The following PAPPA2 variants were observed in gnomAD, a reference collection of about 807,000 sequenced individuals.
PAPPA2 encodes pappalysin-2.
PAPPA2 carries 86 observed loss-of-function variants against 176.4 expected under a neutral mutation model. That is an observed-to-expected ratio of 0.49 (90% CI 0.41 to 0.58). PAPPA2 has a LOEUF of 0.58. PAPPA2 is among the 20% of genes least tolerant of loss of function. The pLI is 0.00. For missense variants in PAPPA2, 2,073 were observed against 2,256.9 expected (o/e 0.92, Z 1.65); for synonymous variants, 809 against 852.2 (o/e 0.95, Z 0.88).
intron 1 of PAPPA2, among the ~76,000 whole-genome samples, chr1:176,487,434 G>A (rs1408104715): frequency 6.6e-6 from 1 of 152,104 alleles, no homozygotes; most frequent in Non-Finnish European, 1.5e-5. Flanking sequence ...TTTGATTTTG[G>A]CAACCTTGGC....
At chr1:176,644,804 AC>A (rs1381111994) in intron 3 of PAPPA2, among the ~76,000 whole-genome samples, 3 of 151,812 alleles carry the variant, frequency 2.0e-5, no homozygotes, top group African/African-American at 7.2e-5. Context: ...TGACATCTAT[AC>A]CACCTTTTGA....
chr1:176,836,813 AAAATAAAAAAT>A (rs1417267224), intron 21 of PAPPA2: 1 of 152,192 alleles, frequency 6.6e-6, no homozygotes, highest in African/African-American at 2.4e-5. Flanking sequence ...AAAAAAAATA[AAAATAAAAAAT>A]AAATGAAAAA....
chr1:176,534,047 A>T (rs1649945436), intron 1 of PAPPA2, among the ~76,000 whole-genome samples: 1 of 152,206 alleles, frequency 6.6e-6, no homozygotes, highest in Non-Finnish European at 1.5e-5. Context: ...GTATTTGATT[A>T]TACAAAATTT....
chr1:176,543,851 G>A (rs536566013), intron 1 of PAPPA2, among the ~76,000 whole-genome samples: 1 of 152,114 alleles, frequency 6.6e-6, no homozygotes, highest in Non-Finnish European at 1.5e-5. Flanking sequence ...CTTCCAAGAT[G>A]GAGTGGTTAA....
chr1:176,712,753 T>C (rs1232651042), intron 12 of PAPPA2, among the ~76,000 whole-genome samples: 1 of 152,218 alleles, frequency 6.6e-6, no homozygotes, highest in Non-Finnish European at 1.5e-5. Context: ...TAATCCCAAA[T>C]AATTTTCCAC....
intron 14 of PAPPA2, among the ~76,000 whole-genome samples, chr1:176,764,480 T>C (rs1052641389): frequency 6.6e-6 from 1 of 152,184 alleles, no homozygotes; most frequent in Non-Finnish European, 1.5e-5. Flanking sequence ...ATCGCACAGA[T>C]GTTAAATGAT....
chr1:176,616,667 T>A, intron 3 of PAPPA2: 7 of 1,556,474 alleles, frequency 4.5e-6, no homozygotes, highest in Non-Finnish European at 6.2e-6. Context: ...TTGTGGTAGC[T>A]CCATACTTCT....
chr1:176,493,015 T>C (rs1256969090), intron 1 of PAPPA2, among the ~76,000 whole-genome samples: 1 of 152,218 alleles, frequency 6.6e-6, no homozygotes, highest in Non-Finnish European at 1.5e-5. Context: ...TTTATTTCAG[T>C]AAAGAATGTT....
chr1:176,830,962 G>C (rs187700188), intron 21 of PAPPA2, among the ~76,000 whole-genome samples: 1 of 152,178 alleles, frequency 6.6e-6, no homozygotes, highest in African/African-American at 2.4e-5. Context: ...TGACAGCAAA[G>C]GATTGGGAAT....
chr1:176,490,357 G>T (rs1385125476), intron 1 of PAPPA2, among the ~76,000 whole-genome samples: 3 of 152,144 alleles, frequency 2.0e-5, no homozygotes, highest in Non-Finnish European at 4.4e-5. Context: ...TGGATCTTCA[G>T]TTTGCAGGCA....
intron 2 of PAPPA2, among the ~76,000 whole-genome samples, chr1:176,578,613 G>T (rs749440236): frequency 1.3e-5 from 2 of 152,162 alleles, no homozygotes; most frequent in Non-Finnish European, 2.9e-5. Context: ...GTTCAACAAG[G>T]CTCAGCAACC....
intron 3 of PAPPA2, among the ~76,000 whole-genome samples, chr1:176,621,177 T>G (rs1447888068): frequency 6.6e-6 from 1 of 152,230 alleles, no homozygotes; most frequent in African/African-American, 2.4e-5. Context: ...TAACTTAATC[T>G]ATTCTTCTGA....
At chr1:176,466,098 C>G (rs80116978) in intron 1 of PAPPA2, among the ~76,000 whole-genome samples, 3,861 of 152,088 alleles carry the variant, frequency 0.025, 172 homozygotes, top group African/African-American at 0.088. Flanking sequence ...AACATGTTAT[C>G]TCTGCTGAAG....
intron 1 of PAPPA2, among the ~76,000 whole-genome samples, chr1:176,521,074 G>C (rs1308779436): frequency 1.2e-5 from 1 of 82,120 alleles, no homozygotes; most frequent in South Asian, 3.6e-4. Context: ...ACACTGGAGT[G>C]TGTGTGTGTG....
rs138461454 is a variant in PAPPA2, at chr1:176,790,616, A to G, written c.4884+639A>G. On this transcript the variant is annotated intron_variant, in intron 18 of 22. Coordinates refer to ENST00000367662, the MANE Select transcript of PAPPA2 (RefSeq NM_020318.3). ...TAAGCACCATGGAACAGATGTGAAA[A>G]GAATATGGCAGAAAATGAGACCCCT... Among the ~76,000 whole-genome samples the G allele has an allele frequency of 1.8e-3, 276 of 152,312 alleles. 1 individual carries two copies. Among genetic ancestry groups the G allele is most frequent in the African/African-American group, 5.7e-3 (236 of 41,568 alleles).
chr1:176,785,577 C>T (rs1664899241), intron 17 of PAPPA2, among the ~76,000 whole-genome samples: 1 of 152,150 alleles, frequency 6.6e-6, no homozygotes, highest in African/African-American at 2.4e-5. Context: ...TCTGCCAACC[C>T]CTCCCAACTC....
chr1:176,532,157 T>G (rs529288029), intron 1 of PAPPA2, among the ~76,000 whole-genome samples: 2 of 152,296 alleles, frequency 1.3e-5, no homozygotes, highest in South Asian at 4.1e-4. Flanking sequence ...GCTCCCTCTC[T>G]CTACCTCCGG....
chr1:176,812,917 T>C (rs187616658), intron 21 of PAPPA2, among the ~76,000 whole-genome samples: 1 of 152,224 alleles, frequency 6.6e-6, no homozygotes, highest in Non-Finnish European at 1.5e-5. Flanking sequence ...CATAAGCTAT[T>C]CTTCCTAATG....
intron 1 of PAPPA2, among the ~76,000 whole-genome samples, chr1:176,474,645 T>C (rs1652034285): frequency 6.6e-6 from 1 of 152,194 alleles, no homozygotes; most frequent in South Asian, 2.1e-4. Context: ...GGACATTTAG[T>C]TCCTATCCAA....
Sources: allele counts gnomAD v4.1 joint callset (sites outside exome capture counted in the v4.1 genomes callset), GRCh38; gene constraint gnomAD v4.1.1; transcripts MANE v1.5; gene names NCBI Gene and HGNC (gene_info 2026-07-23, HGNC 2026-07-21).